Variants in KITLG observed in about 807,000 individuals in gnomAD.
KITLG encodes c-Kit ligand.
Under a neutral mutation model 34.1 loss-of-function variants are expected in KITLG, and 13 were observed. The ratio of observed to expected loss-of-function variants is 0.38; its 90% CI spans 0.25 to 0.61. The LOEUF (loss-of-function observed/expected upper bound fraction) is 0.61. Among genes scored for constraint, KITLG ranks in the 20% least tolerant of loss-of-function variants. The pLI, the probability that KITLG is intolerant of heterozygous loss-of-function variation, is 0.60. For synonymous variants in KITLG, 110 were observed against 104.0 expected (o/e 1.06, Z -0.35); for missense variants, 292 against 318.9 (o/e 0.92, Z 0.64).
chr12:88,497,702 T>C (rs1344567405), intron 9 of KITLG, among the ~76,000 whole-genome samples: 1 of 152,032 alleles, frequency 6.6e-6, no homozygotes, highest in East Asian at 1.9e-4. Flanking sequence ...AGAGTGGAGA[T>C]TAGAGAAATG....
At chr12:88,572,698 T>C (rs1392005956) in intron 1 of KITLG, among the ~76,000 whole-genome samples, 2 of 151,168 alleles carry the variant, frequency 1.3e-5, no homozygotes, top group Non-Finnish European at 2.9e-5. Context: ...ATTAATGTCA[T>C]CCAAATAGTA....
At chr12:88,545,401 T>C (rs1870685160) in intron 2 of KITLG, among the ~76,000 whole-genome samples, 1 of 152,158 alleles carries the variant, frequency 6.6e-6, no homozygotes, top group African/African-American at 2.4e-5. Flanking sequence ...GAATAGAACA[T>C]GCTGGGAAAC....
At chr12:88,502,971 A>G (rs1375611374) in intron 9 of KITLG, among the ~76,000 whole-genome samples, 1 of 152,154 alleles carries the variant, frequency 6.6e-6, no homozygotes, top group Non-Finnish European at 1.5e-5. Flanking sequence ...AATTTCTAGG[A>G]AAAAGCATGG....
intron 9 of KITLG, among the ~76,000 whole-genome samples, chr12:88,497,502 A>G (rs866604768): frequency 6.6e-6 from 1 of 152,120 alleles, no homozygotes; most frequent in African/African-American, 2.4e-5. Flanking sequence ...TCTTATAATA[A>G]TGTCTGGCAC....
intron 3 of KITLG, among the ~76,000 whole-genome samples, chr12:88,521,752 A>G (rs1224162961): frequency 6.6e-6 from 1 of 152,166 alleles, no homozygotes; most frequent in Non-Finnish European, 1.5e-5. Context: ...AAACATATAG[A>G]TTCTGCTTTG....
At chr12:88,515,890 G>A (rs909749537) in intron 5 of KITLG, among the ~76,000 whole-genome samples, 3 of 151,486 alleles carry the variant, frequency 2.0e-5, no homozygotes, top group African/African-American at 7.3e-5. Flanking sequence ...AAAAAAGAAA[G>A]CAATGAATCC....
At chr12:88,559,220 C>T (rs1277965725) in intron 1 of KITLG, among the ~76,000 whole-genome samples, 1 of 152,168 alleles carries the variant, frequency 6.6e-6, no homozygotes, top group African/African-American at 2.4e-5. Context: ...ATCAGACGCC[C>T]TTTAAGTTAT....
intron 1 of KITLG, among the ~76,000 whole-genome samples, chr12:88,569,574 G>A (rs922708300): frequency 6.6e-6 from 1 of 151,972 alleles, no homozygotes; most frequent in African/African-American, 2.4e-5. Context: ...CTTTTTTGTG[G>A]ATTATTTCAT....
intron 6 of KITLG, among the ~76,000 whole-genome samples, chr12:88,511,942 A>G (rs1488248018): frequency 6.6e-6 from 1 of 152,176 alleles, no homozygotes; most frequent in Non-Finnish European, 1.5e-5. Flanking sequence ...ATAGCCTCTA[A>G]AGAAACGCTA....
chr12:88,569,456 A>G (rs2120978782), intron 1 of KITLG, among the ~76,000 whole-genome samples: 1 of 152,278 alleles, frequency 6.6e-6, no homozygotes, highest in South Asian at 2.1e-4. Flanking sequence ...TTTCTTTAAG[A>G]AAGGAGCCAT....
chr12:88,558,153 G>GT (rs1428477829), intron 1 of KITLG, among the ~76,000 whole-genome samples: 4 of 151,896 alleles, frequency 2.6e-5, no homozygotes, highest in African/African-American at 7.3e-5. Context: ...ACCTTTTTGT[G>GT]TTTTTTTCCC....
At chr12:88,579,683 C>T (rs1327132488) in intron 1 of KITLG, among the ~76,000 whole-genome samples, 1 of 152,192 alleles carries the variant, frequency 6.6e-6, no homozygotes, top group Non-Finnish European at 1.5e-5. Flanking sequence ...TAGGCAGACA[C>T]CGCCGAGAGC....
chr12:88,512,676 C>A (rs1316355992), intron 6 of KITLG, among the ~76,000 whole-genome samples: 1 of 151,580 alleles, frequency 6.6e-6, no homozygotes, highest in Non-Finnish European at 1.5e-5. Flanking sequence ...AAAAATAAGA[C>A]AAATGGTGGC....
chr12:88,536,254 C>T (rs1430994603), intron 2 of KITLG, among the ~76,000 whole-genome samples: 1 of 152,122 alleles, frequency 6.6e-6, no homozygotes, highest in African/African-American at 2.4e-5. Flanking sequence ...ACAGACATTT[C>T]TCAAAAGAAG....
At chr12:88,511,227 T>C (rs187523637) in intron 6 of KITLG, among the ~76,000 whole-genome samples, 10 of 152,334 alleles carry the variant, frequency 6.6e-5, no homozygotes, top group Admixed American at 3.9e-4. Flanking sequence ...TGTTTCCAAA[T>C]ACGATGGTAG....
chr12:88,541,970 T>G (rs1462726405), intron 2 of KITLG, among the ~76,000 whole-genome samples: 3 of 152,168 alleles, frequency 2.0e-5, no homozygotes, highest in African/African-American at 7.2e-5. Flanking sequence ...TGATTTCCAT[T>G]GAAGGAATAA....
At chr12:88,554,106 A>C (rs1011236599) in intron 1 of KITLG, among the ~76,000 whole-genome samples, 5 of 152,126 alleles carry the variant, frequency 3.3e-5, no homozygotes, top group African/African-American at 1.2e-4. Context: ...ACCCAAAACA[A>C]ACCATGGACT....
chr12:88,561,904 CCTT>C (rs1386403669), intron 1 of KITLG, among the ~76,000 whole-genome samples: 2 of 152,108 alleles, frequency 1.3e-5, no homozygotes, highest in South Asian at 2.1e-4. Flanking sequence ...TCAAATATCA[CCTT>C]CTCAGAGAAG....
intron 1 of KITLG, among the ~76,000 whole-genome samples, chr12:88,578,423 A>T (rs1170541189): frequency 3.9e-5 from 6 of 152,278 alleles, no homozygotes; most frequent in African/African-American, 1.4e-4. Flanking sequence ...TATCTAAAAT[A>T]CTTAGCTTTC....
Sources: gnomAD v4.1 joint callset for allele counts (sites outside exome capture counted in the v4.1 genomes callset) on GRCh38, gnomAD v4.1.1 for gene constraint, MANE v1.5 for transcripts, NCBI Gene and HGNC (gene_info 2026-07-23, HGNC 2026-07-21) for gene names.